The following MAGI2 variants were observed in gnomAD, a reference collection of about 807,000 sequenced individuals.
MAGI2 encodes membrane associated guanylate kinase, WW and PDZ domain containing 2.
In MAGI2, 35 loss-of-function variants were observed where a neutral mutation model predicts 133.3. That is an observed-to-expected ratio of 0.26 (90% confidence interval 0.20 to 0.35). MAGI2 has a LOEUF of 0.35. Ranked by LOEUF, MAGI2 falls within the 10% of genes least tolerant of loss-of-function variation. The pLI is 1.00. For synonymous variants in MAGI2, 729 were observed against 710.6 expected, an observed-to-expected ratio of 1.03 and a Z score of -0.41; for missense variants, 1,636 against 1,863.4, an observed-to-expected ratio of 0.88 and a Z score of 2.25.
At chr7:79,192,100 C>T (rs1827724909) in intron 1 of MAGI2, among the ~76,000 whole-genome samples, 1 of 151,856 alleles carries the variant, frequency 6.6e-6, no homozygotes, top group South Asian at 2.1e-4. Flanking sequence ...CACTATCACA[C>T]TCCCACTTAA....
At chr7:78,402,287 T>C (rs1185580991) in intron 6 of MAGI2, among the ~76,000 whole-genome samples, 1 of 150,974 alleles carries the variant, frequency 6.6e-6, no homozygotes, top group Non-Finnish European at 1.5e-5. Flanking sequence ...GGGATGTGTA[T>C]GTGTGTGTGT....
At chr7:79,368,079 T>C (rs1175403469) in intron 1 of MAGI2, among the ~76,000 whole-genome samples, 1 of 151,758 alleles carries the variant, frequency 6.6e-6, no homozygotes, top group Non-Finnish European at 1.5e-5. Context: ...GAAGATTCTG[T>C]GGATGAGACA....
intron 16 of MAGI2, among the ~76,000 whole-genome samples, chr7:78,147,365 T>A (rs575836986): frequency 3.0e-4 from 46 of 152,206 alleles, no homozygotes; most frequent in Non-Finnish European, 6.2e-4. Context: ...ATCCTTATCT[T>A]TCTTACCCAA....
chr7:78,795,908 A>G (rs1041146762), intron 2 of MAGI2, among the ~76,000 whole-genome samples: 1 of 152,142 alleles, frequency 6.6e-6, no homozygotes, highest in African/African-American at 2.4e-5. Context: ...GTTTAAATAA[A>G]TGGTGCCAGG....
intron 2 of MAGI2, among the ~76,000 whole-genome samples, chr7:78,662,706 A>C (rs1053544268): frequency 6.6e-6 from 1 of 152,216 alleles, no homozygotes; most frequent in Admixed American, 6.5e-5. Flanking sequence ...GTTTCATAAA[A>C]TAAAATTATA....
chr7:78,738,467 G>A (rs1366723258), intron 2 of MAGI2, among the ~76,000 whole-genome samples: 1 of 151,930 alleles, frequency 6.6e-6, no homozygotes, highest in Non-Finnish European at 1.5e-5. Context: ...TCACATTATG[G>A]TATTGATGCC....
chr7:78,825,468 C>T (rs1201141441), intron 2 of MAGI2, among the ~76,000 whole-genome samples: 2 of 152,064 alleles, frequency 1.3e-5, no homozygotes, highest in African/African-American at 2.4e-5. Flanking sequence ...TTTTGTAGTA[C>T]GTTTTAATAA....
chr7:79,255,083 A>T (rs1433637764), intron 1 of MAGI2, among the ~76,000 whole-genome samples: 1 of 152,170 alleles, frequency 6.6e-6, no homozygotes, highest in African/African-American at 2.4e-5. Context: ...GTATTTTTCT[A>T]TTCTAATTTT....
rs138307945 is a variant in MAGI2, at chr7:78,627,228, G to A, written c.430C>T (p.Pro144Ser). The A allele has an allele frequency of 3.2e-6, 5 of 1,546,288 alleles. No homozygotes were observed. The highest frequency in any genetic ancestry group is 2.1e-5 in the Admixed American group (1 of 47,524). ...YLRTVPCTTR[P>S]HKEGEVPGVD... ...CCAGGGACCTCACCCTCCTTATGTGGCCTTGTGGTGCCTGAATAAAGAAAA... is the reference window on the plus strand; with the variant it reads ...CCAGGGACCTCACCCTCCTTATGTGACCTTGTGGTGCCTGAATAAAGAAAA... Residue 144 changes from proline (P) to serine (S), a missense_variant, in exon 3 of 22, where the codon CCA becomes TCA. Transcript: ENST00000354212.
chr7:78,560,663 A>T (rs1305267119), intron 3 of MAGI2, among the ~76,000 whole-genome samples: 1 of 152,190 alleles, frequency 6.6e-6, no homozygotes, highest in Non-Finnish European at 1.5e-5. Context: ...ATACAACTAG[A>T]AATTATTTGT....
chr7:78,286,629 A>T (rs970544004), intron 9 of MAGI2, among the ~76,000 whole-genome samples: 4 of 152,036 alleles, frequency 2.6e-5, no homozygotes, highest in Admixed American at 2.0e-4. Flanking sequence ...CAATCATGAG[A>T]GTCCGCTGAG....
chr7:79,418,853 A>ACACG (rs1846731863), intron 1 of MAGI2, among the ~76,000 whole-genome samples: 1 of 134,892 alleles, frequency 7.4e-6, no homozygotes, highest in East Asian at 2.1e-4. Context: ...ACACACACAC[A>ACACG]CACACACACA....
chr7:78,696,025 T>G (rs1176641437), intron 2 of MAGI2, among the ~76,000 whole-genome samples: 2 of 152,170 alleles, frequency 1.3e-5, no homozygotes, highest in African/African-American at 4.8e-5. Context: ...AGCCCTGAGC[T>G]CCTGGGCTCA....
At chr7:79,391,488 CATAT>C (rs66941748) in intron 1 of MAGI2, among the ~76,000 whole-genome samples, 44 of 119,320 alleles carry the variant, frequency 3.7e-4, no homozygotes, top group African/African-American at 5.8e-4. Context: ...TTACCTTTAA[CATAT>C]ATATATATAT....
intron 12 of MAGI2, 124 bp from the exon 13 acceptor site, chr7:78,185,794 T>A: frequency 1.6e-6 from 1 of 617,336 alleles, no homozygotes; most frequent in Non-Finnish European, 2.7e-6. Context: ...GTTTAAGACT[T>A]TTTTTTTCCT....
At chr7:79,043,245 A>C (rs559339685) in intron 1 of MAGI2, among the ~76,000 whole-genome samples, 1 of 152,000 alleles carries the variant, frequency 6.6e-6, no homozygotes, top group Non-Finnish European at 1.5e-5. Context: ...AGCTGAACTG[A>C]ATGAAATTGA....
chr7:79,352,415 G>C lies in MAGI2; in HGVS notation c.301+100605C>G, dbSNP rs1841752577. ...GCTTTCTAAAAGTCCTGGTTTTCTT[G>C]AAAATGTTTCAGACTGGTCAGAGAT... On this transcript the variant is annotated intron_variant, in intron 1 of 21. Coordinates refer to ENST00000354212, the MANE Select transcript of MAGI2 (RefSeq NM_012301.4). Among the ~76,000 whole-genome samples, 4 of 152,202 alleles carry C rather than the reference G, an allele frequency of 2.6e-5. No homozygotes were observed. In the South Asian group the frequency reaches 8.3e-4, roughly 32 times the overall value.
At chr7:78,416,959 C>T (rs1192879711) in intron 6 of MAGI2, among the ~76,000 whole-genome samples, 1 of 152,084 alleles carries the variant, frequency 6.6e-6, no homozygotes, top group Non-Finnish European at 1.5e-5. Context: ...TGCTTAAAAA[C>T]CACATAGTCT....
chr7:78,508,102 C>CA (rs1795247266), intron 4 of MAGI2, among the ~76,000 whole-genome samples: 1 of 152,194 alleles, frequency 6.6e-6, no homozygotes. Context: ...CCTGTGTGCA[C>CA]ATCTGGGTTC....
Sources: gnomAD v4.1 joint callset for allele counts (sites outside exome capture counted in the v4.1 genomes callset) on GRCh38, gnomAD v4.1.1 for gene constraint, MANE v1.5 for transcripts, NCBI Gene and HGNC (gene_info 2026-07-23, HGNC 2026-07-21) for gene names.